KCNJ6: variants seen among roughly 807,000 people sequenced by gnomAD.
KCNJ6 encodes potassium inwardly rectifying channel subfamily J member 6.
A neutral mutation model predicts 34.2 loss-of-function variants in KCNJ6; 9 were observed. The ratio of observed to expected loss-of-function variants is 0.26; its 90% CI spans 0.16 to 0.46. The LOEUF (loss-of-function observed/expected upper bound fraction) is 0.46. Ranked by LOEUF, KCNJ6 falls within the 20% of genes least tolerant of loss-of-function variation. KCNJ6 has a pLI of 1.00. For synonymous variants in KCNJ6, 196 were observed against 207.1 expected (o/e 0.95, Z 0.46); for missense variants, 236 against 531.3 (o/e 0.44, Z 5.46).
At chr21:37,726,547 G>C (rs2835914) in intron 2 of KCNJ6, among the ~76,000 whole-genome samples, 52,837 of 152,024 alleles carry the variant, frequency 0.35, 9,925 homozygotes, top group East Asian at 0.5. Context: ...AGAAACATAT[G>C]GTCTACTTTG....
intron 3 of KCNJ6, among the ~76,000 whole-genome samples, chr21:37,636,194 C>G (rs931355108): frequency 3.9e-5 from 6 of 152,214 alleles, no homozygotes; most frequent in Non-Finnish European, 8.8e-5. Flanking sequence ...CCCACCCACA[C>G]AGGTGAGGGC....
intron 1 of KCNJ6, among the ~76,000 whole-genome samples, chr21:37,853,846 G>GTGTATATACATATATATATATATA (rs71198897): frequency 8.6e-6 from 1 of 115,992 alleles, no homozygotes; most frequent in African/African-American, 4.0e-5. Context: ...ATATATATAT[G>GTGTATATACATATATATATATATA]TATATATATA....
chr21:37,824,887 T>G (rs1367278076), intron 2 of KCNJ6, among the ~76,000 whole-genome samples: 3 of 152,074 alleles, frequency 2.0e-5, no homozygotes, highest in African/African-American at 7.2e-5. Context: ...TTCTAAGGAT[T>G]CTCCCTAATA....
At chr21:37,803,495 A>C (rs2055279427) in intron 2 of KCNJ6, among the ~76,000 whole-genome samples, 1 of 152,316 alleles carries the variant, frequency 6.6e-6, no homozygotes, top group African/African-American at 2.4e-5. Context: ...CATTTATCAT[A>C]ATTCCTGACA....
intron 1 of KCNJ6, among the ~76,000 whole-genome samples, chr21:37,863,860 G>GTTTTTTTTTTTTTTT (rs56800970): frequency 6.2e-5 from 5 of 81,078 alleles, no homozygotes; most frequent in Non-Finnish European, 9.1e-5. Context: ...TTTTTTTTTT[G>GTTTTTTTTTTTTTTT]TTTTTTTTTT....
chr21:37,903,940 T>C (rs2055829117), intron 1 of KCNJ6, among the ~76,000 whole-genome samples: 1 of 152,224 alleles, frequency 6.6e-6, no homozygotes, highest in Admixed American at 6.5e-5. Flanking sequence ...TTACTTTATA[T>C]TGGTAGAGAG....
At chr21:37,898,023 T>A (rs2055797587) in intron 1 of KCNJ6, among the ~76,000 whole-genome samples, 2 of 152,230 alleles carry the variant, frequency 1.3e-5, no homozygotes, top group Admixed American at 1.3e-4. Flanking sequence ...GACATTGGGC[T>A]GTGTGTGCTC....
chr21:37,764,844 G>T (rs1261383952), intron 2 of KCNJ6, among the ~76,000 whole-genome samples: 1 of 152,200 alleles, frequency 6.6e-6, no homozygotes, highest in Non-Finnish European at 1.5e-5. Context: ...GGTGGTTGAT[G>T]GGGGAGATGC....
chr21:37,755,867 C>A (rs1330259298), intron 2 of KCNJ6, among the ~76,000 whole-genome samples: 1 of 152,214 alleles, frequency 6.6e-6, no homozygotes, highest in Non-Finnish European at 1.5e-5. Flanking sequence ...TGCACCTTGG[C>A]CTTTGGTGGA....
intron 2 of KCNJ6, among the ~76,000 whole-genome samples, chr21:37,774,748 A>T (rs2055134033): frequency 6.6e-6 from 1 of 152,166 alleles, no homozygotes; most frequent in South Asian, 2.1e-4. Flanking sequence ...CCAGTCTATC[A>T]TTGATGGACA....
intron 3 of KCNJ6, among the ~76,000 whole-genome samples, chr21:37,678,081 C>T (rs1385081165): frequency 6.6e-6 from 1 of 152,090 alleles, no homozygotes; most frequent in Non-Finnish European, 1.5e-5. Context: ...TGCACAAAGG[C>T]CCTATGGGGC....
At chr21:37,790,190 A>G (rs1050535475) in intron 2 of KCNJ6, among the ~76,000 whole-genome samples, 1 of 152,188 alleles carries the variant, frequency 6.6e-6, no homozygotes, top group South Asian at 2.1e-4. Context: ...CATCAATCTT[A>G]GTGCTTTTTG....
intron 2 of KCNJ6, chr21:37,719,682 TTCTC>T (rs1171216442): frequency 1.3e-5 from 2 of 152,250 alleles, no homozygotes; most frequent in African/African-American, 2.4e-5. Context: ...TTTTGTTTCT[TTCTC>T]CTTCTCTTTT....
intron 2 of KCNJ6, among the ~76,000 whole-genome samples, chr21:37,726,705 T>C (rs556233126): frequency 6.6e-6 from 1 of 152,326 alleles, no homozygotes; most frequent in African/African-American, 2.4e-5. Context: ...CTCTTTTAAT[T>C]CTTCTATTTA....
intron 1 of KCNJ6, among the ~76,000 whole-genome samples, chr21:37,866,392 T>C (rs2055622833): frequency 6.6e-6 from 1 of 152,134 alleles, no homozygotes; most frequent in Non-Finnish European, 1.5e-5. Context: ...ATCTGATGAG[T>C]TGGGAGAATA....
intron 2 of KCNJ6, among the ~76,000 whole-genome samples, chr21:37,727,885 C>A (rs1399493807): frequency 1.3e-5 from 2 of 148,606 alleles, no homozygotes; most frequent in Non-Finnish European, 3.0e-5. Flanking sequence ...TGAATTGAAT[C>A]TGCATCTAGC....
intron 2 of KCNJ6, among the ~76,000 whole-genome samples, chr21:37,835,320 A>G (rs956264145): frequency 6.6e-5 from 10 of 152,178 alleles, no homozygotes; most frequent in Non-Finnish European, 1.0e-4. Context: ...CAGCCAGGAG[A>G]AGACATCAGG....
chr21:37,733,480 T>C (rs9984164), intron 2 of KCNJ6, among the ~76,000 whole-genome samples: 33,867 of 152,134 alleles, frequency 0.22, 4,285 homozygotes, highest in East Asian at 0.35. Flanking sequence ...GGTCCTCAGA[T>C]AATCACTTGG....
chr21:37,913,280 C>T lies in KCNJ6; in HGVS notation c.-28+2604G>A, dbSNP rs531897357. On this transcript the variant is annotated intron_variant, in intron 1 of 3. Coordinates refer to ENST00000609713, the MANE Select transcript of KCNJ6 (RefSeq NM_002240.5). ...TGGAACTTGAATGGTAATAAATCCT[C>T]CCCTCCTGCAGTTTCTTCCTTGTTT... 1.5e-3 allele frequency among the ~76,000 whole-genome samples: 230 copies of T among 152,306 alleles called. 1 individual carries two copies. Among genetic ancestry groups the T allele is most frequent in the African/African-American group, 5.3e-3 (221 of 41,578 alleles).
Sources: allele counts gnomAD v4.1 joint callset (sites outside exome capture counted in the v4.1 genomes callset), GRCh38; gene constraint gnomAD v4.1.1; transcripts MANE v1.5; gene names NCBI Gene and HGNC (gene_info 2026-07-23, HGNC 2026-07-21).